Variants in TACR1 observed in about 807,000 individuals in gnomAD.
TACR1 encodes substance-P receptor.
In TACR1, 25 loss-of-function variants were observed where a neutral mutation model predicts 35.8. That is an observed-to-expected ratio of 0.70 (90% confidence interval 0.51 to 0.98). TACR1 has a LOEUF of 0.98. Ranked by LOEUF, TACR1 falls within the 50% of genes least tolerant of loss-of-function variation. The pLI is 0.00. For missense variants in TACR1, 478 were observed against 522.9 expected, an observed-to-expected ratio of 0.91 and a Z score of 0.84; for synonymous variants, 195 against 206.7, an observed-to-expected ratio of 0.94 and a Z score of 0.48.
intron 1 of TACR1, among the ~76,000 whole-genome samples, chr2:75,146,527 C>T (rs1386546106): frequency 2.6e-5 from 4 of 152,076 alleles, no homozygotes; most frequent in East Asian, 3.9e-4. Context: ...AAGAAGAGTC[C>T]GCTGTATTTG....
At chr2:75,162,722 A>C (rs1675041644) in intron 1 of TACR1, among the ~76,000 whole-genome samples, 1 of 152,168 alleles carries the variant, frequency 6.6e-6, no homozygotes, top group Non-Finnish European at 1.5e-5. Context: ...TCTGAGAGAC[A>C]CTCAAGATTC....
chr2:75,162,896 A>G (rs147054223), intron 1 of TACR1, among the ~76,000 whole-genome samples: 2 of 152,336 alleles, frequency 1.3e-5, no homozygotes, highest in East Asian at 1.9e-4. Context: ...CTATGCATTT[A>G]TCATGCGTGG....
At position 75,156,199 on chromosome 2, in the gene TACR1, G is replaced by A. The variant is rs1417724419; in HGVS notation, c.390-35431C>T. 2.0e-5 allele frequency: 3 copies of A among 152,168 alleles called. No homozygotes were observed. In the East Asian group the frequency reaches 5.8e-4, roughly 29 times the overall value. The allele number at this position is 152,168 out of a possible 1,614,324, so 9.4% of individuals were successfully genotyped here. A position where few individuals can be genotyped will look rare whatever the true frequency, so the allele number is the denominator to read the frequency against. On this transcript the variant is annotated intron_variant, in intron 1 of 4. Coordinates refer to ENST00000305249, the MANE Select transcript of TACR1 (RefSeq NM_001058.4). ...TATGATAACAAGTATTCTTGTAAGC[G>A]ATAGAAGAGGAGAAGAGACATACAG...
intron 1 of TACR1, among the ~76,000 whole-genome samples, chr2:75,125,785 G>T (rs1389812747): frequency 6.6e-6 from 1 of 152,196 alleles, no homozygotes; most frequent in African/African-American, 2.4e-5. Flanking sequence ...CTGAAGGAGT[G>T]ACCTCACTGG....
chr2:75,179,773 A>T (rs1675518779), intron 1 of TACR1, among the ~76,000 whole-genome samples: 1 of 152,192 alleles, frequency 6.6e-6, no homozygotes, highest in Non-Finnish European at 1.5e-5. Context: ...GAGCCACATG[A>T]TGGAAACAAC....
intron 2 of TACR1, among the ~76,000 whole-genome samples, chr2:75,083,427 A>G (rs1673130856): frequency 1.3e-5 from 2 of 152,166 alleles, no homozygotes; most frequent in South Asian, 2.1e-4. Flanking sequence ...TTGGTTCCAT[A>G]TGAACTTTAG....
At chr2:75,132,732 G>A (rs1209619743) in intron 1 of TACR1, among the ~76,000 whole-genome samples, 7 of 152,122 alleles carry the variant, frequency 4.6e-5, no homozygotes, top group Non-Finnish European at 8.8e-5. Flanking sequence ...CTTCAGAGAC[G>A]ATATACAATT....
chr2:75,065,609 G>A (rs1672748146), intron 2 of TACR1, among the ~76,000 whole-genome samples: 1 of 150,402 alleles, frequency 6.6e-6, no homozygotes. Flanking sequence ...CAGCTGGAAT[G>A]AACACTGGGC....
intron 1 of TACR1, among the ~76,000 whole-genome samples, chr2:75,140,408 A>C (rs185152963): frequency 3.9e-5 from 6 of 152,170 alleles, no homozygotes; most frequent in Non-Finnish European, 7.3e-5. Context: ...ATTTGCCTGC[A>C]AAGTTTACAC....
At chr2:75,152,382 G>T (rs909209291) in intron 1 of TACR1, among the ~76,000 whole-genome samples, 2 of 152,186 alleles carry the variant, frequency 1.3e-5, no homozygotes, top group African/African-American at 4.8e-5. Context: ...TCTCATGATA[G>T]TGAATAAGTC....
intron 1 of TACR1, among the ~76,000 whole-genome samples, chr2:75,168,202 G>A (rs945270237): frequency 6.6e-6 from 1 of 152,134 alleles, no homozygotes; most frequent in African/African-American, 2.4e-5. Context: ...GGTTAAACGA[G>A]CTATGACCAT....
intron 1 of TACR1, among the ~76,000 whole-genome samples, chr2:75,164,831 G>A (rs1186125329): frequency 6.6e-6 from 1 of 152,164 alleles, no homozygotes; most frequent in African/African-American, 2.4e-5. Context: ...CCTCTGCAGA[G>A]GTTGCTAACA....
At chr2:75,101,589 T>C (rs1246862684) in intron 2 of TACR1, among the ~76,000 whole-genome samples, 1 of 152,182 alleles carries the variant, frequency 6.6e-6, no homozygotes, top group Non-Finnish European at 1.5e-5. Context: ...TGACTCACAT[T>C]GGGCAAATCG....
intron 2 of TACR1, among the ~76,000 whole-genome samples, chr2:75,114,231 G>A (rs1339790061): frequency 2.0e-5 from 3 of 152,284 alleles, no homozygotes; most frequent in African/African-American, 7.2e-5. Flanking sequence ...ATTCAGAATA[G>A]GAATGTCTTA....
chr2:75,049,761 C>T (rs771975131), intron 4 of TACR1, 38 bp from the exon 5 acceptor site: 84 of 1,587,554 alleles, frequency 5.3e-5, no homozygotes, highest in Middle Eastern at 3.4e-4. Context: ...CCCTTTGGGA[C>T]GGCCTGCTCA....
chr2:75,194,919 C>T (rs1476457953), intron 1 of TACR1, among the ~76,000 whole-genome samples: 1 of 152,150 alleles, frequency 6.6e-6, no homozygotes. Context: ...CCCCAGCTCC[C>T]TGCAGGGCTT....
intron 2 of TACR1, among the ~76,000 whole-genome samples, chr2:75,111,147 T>C (rs1673742477): frequency 6.6e-6 from 1 of 152,026 alleles, no homozygotes; most frequent in Non-Finnish European, 1.5e-5. Context: ...CAGAAGTTCT[T>C]CATGGAGTTT....
intron 1 of TACR1, among the ~76,000 whole-genome samples, chr2:75,192,917 AT>A (rs1245785991): frequency 6.6e-6 from 1 of 152,192 alleles, no homozygotes; most frequent in Non-Finnish European, 1.5e-5. Context: ...ATAAATTATT[AT>A]GAGTATTCCC....
intron 1 of TACR1, among the ~76,000 whole-genome samples, chr2:75,143,263 A>G (rs1674445046): frequency 6.6e-6 from 1 of 152,142 alleles, no homozygotes. Flanking sequence ...TTTGAATTTT[A>G]CTTTTTCTTG....
Sources: allele counts gnomAD v4.1 joint callset (sites outside exome capture counted in the v4.1 genomes callset), GRCh38; gene constraint gnomAD v4.1.1; transcripts MANE v1.5; gene names NCBI Gene and HGNC (gene_info 2026-07-23, HGNC 2026-07-21).